The following GABRG3 variants were observed in gnomAD, a reference collection of about 807,000 sequenced individuals.
The protein encoded by GABRG3 is gamma-aminobutyric acid type A receptor subunit gamma3, also known as gamma-aminobutyric acid receptor subunit gamma-3.
GABRG3 carries 25 observed loss-of-function variants against 48.8 expected under a neutral mutation model. The ratio of observed to expected loss-of-function variants is 0.51; its 90% CI spans 0.37 to 0.72. The LOEUF is 0.72. GABRG3 is among the 30% of genes least tolerant of loss of function. The probability of loss-of-function intolerance (pLI) is 0.00; values close to 1 mark genes in which losing one functional copy is unlikely to be tolerated. For missense variants in GABRG3, 394 were observed against 577.9 expected (o/e 0.68, Z 3.26); for synonymous variants, 227 against 217.6 (o/e 1.04, Z -0.38).
intron 5 of GABRG3, among the ~76,000 whole-genome samples, chr15:27,424,120 T>C (rs1018369544): frequency 5.3e-5 from 8 of 152,082 alleles, no homozygotes; most frequent in African/African-American, 1.9e-4. Flanking sequence ...AATGTCCTGC[T>C]TGATGAGAAC....
At chr15:27,411,737 C>A (rs1047451545) in intron 5 of GABRG3, among the ~76,000 whole-genome samples, 1 of 152,002 alleles carries the variant, frequency 6.6e-6, no homozygotes, top group African/African-American at 2.4e-5. Flanking sequence ...TTAAATAAAC[C>A]AAGCTCCCCT....
intron 3 of GABRG3, among the ~76,000 whole-genome samples, chr15:27,218,477 C>T (rs1257986768): frequency 1.3e-5 from 2 of 152,174 alleles, no homozygotes; most frequent in South Asian, 2.1e-4. Flanking sequence ...CCCAAAGTGA[C>T]ATATTTTGGG....
At chr15:27,084,938 C>A (rs756620045) in intron 3 of GABRG3, among the ~76,000 whole-genome samples, 2 of 152,206 alleles carry the variant, frequency 1.3e-5, no homozygotes, top group African/African-American at 4.8e-5. Flanking sequence ...GTGTGAGCAC[C>A]AGCCCTAGGG....
chr15:27,010,102 G>A (rs530851665), intron 2 of GABRG3, among the ~76,000 whole-genome samples: 1 of 152,182 alleles, frequency 6.6e-6, no homozygotes, highest in South Asian at 2.1e-4. Context: ...ATACTACCAA[G>A]CCCAGCTAAT....
chr15:27,064,603 T>C (rs578045368), intron 3 of GABRG3, among the ~76,000 whole-genome samples: 1 of 152,224 alleles, frequency 6.6e-6, no homozygotes, highest in African/African-American at 2.4e-5. Flanking sequence ...TCCTAAATAA[T>C]CTGGTGGGGT....
chr15:27,357,094 A>C (rs960441770), intron 5 of GABRG3, among the ~76,000 whole-genome samples: 10 of 152,194 alleles, frequency 6.6e-5, no homozygotes, highest in African/African-American at 1.9e-4. Flanking sequence ...AGGGGACTGC[A>C]TTGGGCTGCA....
At chr15:27,053,319 G>A (rs1213329650) in intron 3 of GABRG3, among the ~76,000 whole-genome samples, 1 of 152,180 alleles carries the variant, frequency 6.6e-6, no homozygotes, top group Non-Finnish European at 1.5e-5. Flanking sequence ...CCACTAGAAA[G>A]TGAGTAAAGG....
chr15:27,245,154 C>T (rs775514465), intron 3 of GABRG3, among the ~76,000 whole-genome samples: 7 of 152,064 alleles, frequency 4.6e-5, no homozygotes, highest in Non-Finnish European at 8.8e-5. Context: ...TCCTCTGCTG[C>T]GGTGTGGGAG....
chr15:27,426,572 C>A (rs569462903), intron 5 of GABRG3, among the ~76,000 whole-genome samples: 1 of 151,968 alleles, frequency 6.6e-6, no homozygotes, highest in East Asian at 1.9e-4. Context: ...CCCAGCACTT[C>A]GGGAGTCAAG....
intron 2 of GABRG3, among the ~76,000 whole-genome samples, chr15:26,982,711 T>A (rs1030721673): frequency 2.6e-5 from 4 of 152,234 alleles, no homozygotes; most frequent in African/African-American, 9.6e-5. Context: ...GCAACTCCCC[T>A]AAAGCATCCT....
At chr15:27,466,829 C>G (rs1889627352) in intron 5 of GABRG3, among the ~76,000 whole-genome samples, 1 of 152,210 alleles carries the variant, frequency 6.6e-6, no homozygotes, top group Non-Finnish European at 1.5e-5. Context: ...TCTTTAGCAG[C>G]CAAGGGCTGG....
intron 3 of GABRG3, among the ~76,000 whole-genome samples, chr15:27,150,372 T>C (rs186126150): frequency 6.6e-6 from 1 of 152,300 alleles, no homozygotes; most frequent in African/African-American, 2.4e-5. Flanking sequence ...TACTTTAGAA[T>C]TAAAAAATGC....
At chr15:27,341,464 G>A (rs1011010472) in intron 5 of GABRG3, among the ~76,000 whole-genome samples, 7 of 152,184 alleles carry the variant, frequency 4.6e-5, no homozygotes, top group African/African-American at 1.7e-4. Flanking sequence ...GACTGCGCCT[G>A]GCCTGCAGGA....
rs1246878949 is a variant in GABRG3 at position 26,976,638 on chromosome 15, A to G, written c.54-364A>G. On this transcript the variant is annotated intron_variant, in intron 1 of 9. Transcript: ENST00000615808. This position sits in a 1 kb window ranked among gnomAD's most constrained non-coding sequence, Gnocchi z 7.8. Reference sequence around the variant, plus strand: ...TGCAGTCACCATATAGAAAACCTCTAGAAGGTTTGTGCCTTGACCTTCACA... The same window carrying G: ...TGCAGTCACCATATAGAAAACCTCTGGAAGGTTTGTGCCTTGACCTTCACA... 1.3e-5 allele frequency among the ~76,000 whole-genome samples: 2 copies of G among 152,288 alleles called. No individual in the cohort carries two copies. Among genetic ancestry groups the G allele is most frequent in the East Asian group, 1.9e-4 (1 of 5,166 alleles).
intron 3 of GABRG3, among the ~76,000 whole-genome samples, chr15:27,074,198 C>T (rs1896872408): frequency 6.6e-6 from 1 of 152,112 alleles, no homozygotes; most frequent in South Asian, 2.1e-4. Flanking sequence ...GTCCCTCCCA[C>T]AACACAGGGG....
At chr15:27,441,976 T>TA (rs1888800565) in intron 5 of GABRG3, among the ~76,000 whole-genome samples, 1 of 152,154 alleles carries the variant, frequency 6.6e-6, no homozygotes, top group Non-Finnish European at 1.5e-5. Context: ...GACCCCTTTA[T>TA]AAAAAAGCAG....
intron 6 of GABRG3, among the ~76,000 whole-genome samples, chr15:27,491,414 G>A (rs542258324): frequency 8.5e-5 from 13 of 152,292 alleles, no homozygotes; most frequent in African/African-American, 1.9e-4. Context: ...GGTTTTCCTC[G>A]TAATCACAAC....
In GABRG3 at chr15:26,976,460, C is replaced by T. The variant is rs1894946955; in HGVS notation, c.54-542C>T. Among the ~76,000 whole-genome samples, 1 of 152,202 alleles carries T rather than the reference C, an allele frequency of 6.6e-6. No homozygotes were observed. Among genetic ancestry groups the T allele is most frequent in the Admixed American group, 6.5e-5 (1 of 15,284 alleles). On this transcript the variant is annotated intron_variant, in intron 1 of 9. Transcript: ENST00000615808. The surrounding 1 kb of genome is among the most constrained non-coding windows in gnomAD (Gnocchi z 7.8). ...ATCTGAGTGCCGGCAAAGCAGACCC[C>T]CTCACAATGCTCAAGTGCCTAGACC...
In GABRG3 at chr15:27,396,626, G is replaced by A. The variant is rs545729812; in HGVS notation, c.574+67738G>A. On this transcript the variant is annotated intron_variant, in intron 5 of 9. Transcript: ENST00000615808. Reference sequence around the variant, plus strand: ...AAAACATACACCTACCGTATTATCAGCATTCTCATTTCTAGGAAATGGAAA... The same window carrying A: ...AAAACATACACCTACCGTATTATCAACATTCTCATTTCTAGGAAATGGAAA... Among the ~76,000 whole-genome samples, 18 of 152,268 alleles carry A rather than the reference G, an allele frequency of 1.2e-4. No individual in the cohort carries two copies. In the East Asian group the frequency reaches 3.5e-3, roughly 29 times the overall value.
Sources: allele counts gnomAD v4.1 joint callset (sites outside exome capture counted in the v4.1 genomes callset), GRCh38; gene constraint gnomAD v4.1.1; non-coding constraint Gnocchi (gnomAD v3.1); transcripts MANE v1.5; gene names NCBI Gene and HGNC (gene_info 2026-07-23, HGNC 2026-07-21).